Variants in EFCAB5 observed in about 807,000 individuals in gnomAD.
The protein encoded by EFCAB5 is EF-hand calcium-binding domain-containing protein 5.
A neutral mutation model predicts 167.9 loss-of-function variants in EFCAB5; 131 were observed. The ratio of observed to expected loss-of-function variants is 0.78; its 90% CI spans 0.68 to 0.90. The LOEUF (loss-of-function observed/expected upper bound fraction) is 0.90. Ranked by LOEUF, EFCAB5 falls within the 40% of genes least tolerant of loss-of-function variation. The pLI is 0.00. For synonymous variants in EFCAB5, 574 were observed against 602.8 expected, an observed-to-expected ratio of 0.95 and a Z score of 0.70; for missense variants, 1,663 against 1,745.2, an observed-to-expected ratio of 0.95 and a Z score of 0.84.
At chr17:30,073,306 C>T in intron 14 of EFCAB5, 2 of 554,576 alleles carry the variant, frequency 3.6e-6, no homozygotes, top group East Asian at 6.0e-5. Flanking sequence ...ATCCTCTCAC[C>T]TCAGTCTCCC....
At chr17:29,976,521 G>A (rs570632246) in intron 4 of EFCAB5, among the ~76,000 whole-genome samples, 7 of 152,148 alleles carry the variant, frequency 4.6e-5, no homozygotes, top group Non-Finnish European at 1.0e-4. Flanking sequence ...TTTTACAACA[G>A]TGTGTTCTGC....
chr17:30,061,909 T>G (rs1435501868), intron 14 of EFCAB5, among the ~76,000 whole-genome samples: 1 of 152,230 alleles, frequency 6.6e-6, no homozygotes, highest in Non-Finnish European at 1.5e-5. Context: ...CCTAATCTTT[T>G]GGGCAGAAAC....
intron 22 of EFCAB5, among the ~76,000 whole-genome samples, chr17:30,102,819 ACTTTT>A (rs1456445918): frequency 6.7e-6 from 1 of 149,452 alleles, no homozygotes; most frequent in Non-Finnish European, 1.5e-5. Context: ...AGGACTAAGG[ACTTTT>A]CTTTTTTTCT....
intron 14 of EFCAB5, among the ~76,000 whole-genome samples, chr17:30,064,516 C>A (rs2070509307): frequency 6.6e-6 from 1 of 152,078 alleles, no homozygotes; most frequent in South Asian, 2.1e-4. Flanking sequence ...AGAAAGCCTA[C>A]AATTATCACT....
intron 22 of EFCAB5, among the ~76,000 whole-genome samples, chr17:30,097,654 T>C (rs1263478125): frequency 6.6e-6 from 1 of 152,248 alleles, no homozygotes; most frequent in Non-Finnish European, 1.5e-5. Flanking sequence ...ATATTTATAA[T>C]TTGGGGTTAA....
chr17:29,988,291 C>G (rs185804536), intron 4 of EFCAB5, among the ~76,000 whole-genome samples: 56 of 152,264 alleles, frequency 3.7e-4, no homozygotes, highest in Middle Eastern at 3.4e-3. Context: ...ATAAAATCAT[C>G]AGTTGTTCAT....
rs147096463 is a variant in EFCAB5 at position 30,102,924 on chromosome 17, C to T, written c.4322-4910C>T. Reference sequence around the variant, plus strand: ...TTGGCTTACTGCAACCTCTCCCTCTCAGGCTCAGGTGATTCTCCCTCCTCC... The same window carrying T: ...TTGGCTTACTGCAACCTCTCCCTCTTAGGCTCAGGTGATTCTCCCTCCTCC... On this transcript the variant is annotated intron_variant, in intron 22 of 22. Transcript: ENST00000394835. 9.5e-3 allele frequency among the ~76,000 whole-genome samples: 1,448 copies of T among 152,170 alleles called. 16 individuals are homozygous for T. The highest frequency in any genetic ancestry group is 0.03 in the African/African-American group (1,235 of 41,532).
intron 14 of EFCAB5, chr17:30,074,334 C>G (rs1219337153): frequency 6.6e-6 from 1 of 152,288 alleles, no homozygotes; most frequent in South Asian, 2.1e-4. Flanking sequence ...AAGGTCTCAC[C>G]ATGTTGCCCA....
intron 20 of EFCAB5, among the ~76,000 whole-genome samples, chr17:30,091,127 C>T (rs2071187547): frequency 6.6e-6 from 1 of 152,156 alleles, no homozygotes; most frequent in African/African-American, 2.4e-5. Context: ...CTATGTTATA[C>T]AGCATTAAGT....
At chr17:29,954,733 T>TG (rs2067579452) in intron 3 of EFCAB5, among the ~76,000 whole-genome samples, 1 of 152,162 alleles carries the variant, frequency 6.6e-6, no homozygotes, top group African/African-American at 2.4e-5. Context: ...AACCCCAGAA[T>TG]GATAGATTCA....
chr17:29,964,605 T>C (rs1412379816), intron 3 of EFCAB5, among the ~76,000 whole-genome samples: 1 of 152,170 alleles, frequency 6.6e-6, no homozygotes, highest in African/African-American at 2.4e-5. Context: ...TAATTGTTTT[T>C]TGTTTTTGTT....
chr17:30,053,599 C>T lies in EFCAB5; in HGVS notation c.1645C>T (p.His549Tyr). 6.2e-7 allele frequency: 1 copy of T among 1,613,924 alleles called. No individual in the cohort carries two copies. The highest frequency in any genetic ancestry group is 8.5e-7 in the Non-Finnish European group (1 of 1,179,882). Reference protein sequence around the residue: ...YIESVIEPGTHTESTLEQGSS... With the variant: ...YIESVIEPGTYTESTLEQGSS... ...AGAATCAGTAATAGAACCAGGAACA[C>T]ACACAGAGTCAACTCTAGAACAAGG... The change falls in exon 10 of 23, where the codon CAC becomes TAC. Residue 549 changes from histidine (H) to tyrosine (Y), a missense_variant. Physicochemically the swap from His to Tyr is moderately conservative, Grantham distance 83. Coordinates refer to ENST00000394835, the MANE Select transcript of EFCAB5 (RefSeq NM_198529.4).
At chr17:30,079,929 C>A (rs1161299509) in intron 15 of EFCAB5, 143 bp from the exon 16 acceptor site, 10 of 950,402 alleles carry the variant, frequency 1.1e-5, no homozygotes, top group Middle Eastern at 3.0e-4. Context: ...TTCCCCACTG[C>A]CCATGAATAG....
chr17:30,080,023 G>T, intron 15 of EFCAB5, 49 bp from the exon 16 acceptor site: 1 of 1,561,576 alleles, frequency 6.4e-7, no homozygotes, highest in South Asian at 1.2e-5. Context: ...ATGATTAGGG[G>T]AGTTCTTTGG....
rs976873673 is a variant in EFCAB5, at chr17:29,970,892, T to C, written c.767+1525T>C. On this transcript the variant is annotated intron_variant, in intron 4 of 22. Coordinates refer to ENST00000394835, the MANE Select transcript of EFCAB5 (RefSeq NM_198529.4). ...GAGTTCAAGACCAGCCTGGCCAACA[T>C]GGCAAAACCCTGTCTCTACTAAAAA... 3.3e-5 allele frequency among the ~76,000 whole-genome samples: 5 copies of C among 152,024 alleles called. No individual in the cohort carries two copies. The South Asian group carries it at 8.3e-4, about 25-fold the overall frequency.
chr17:29,943,879 G>A (rs2067342960), intron 3 of EFCAB5, among the ~76,000 whole-genome samples: 1 of 152,066 alleles, frequency 6.6e-6, no homozygotes, highest in Non-Finnish European at 1.5e-5. Flanking sequence ...GGAGGCTGAG[G>A]CAGGAGAATT....
At chr17:30,008,615 T>A (rs9899542) in intron 7 of EFCAB5, among the ~76,000 whole-genome samples, 1 of 151,934 alleles carries the variant, frequency 6.6e-6, no homozygotes, top group Non-Finnish European at 1.5e-5. Context: ...TTTTATATTT[T>A]AAAATTTAAA....
chr17:29,973,331 G>A (rs1567688276), intron 4 of EFCAB5, among the ~76,000 whole-genome samples: 1 of 152,134 alleles, frequency 6.6e-6, no homozygotes, highest in Non-Finnish European at 1.5e-5. Context: ...AGTGGGTAAG[G>A]CAACCTCTCC....
chr17:30,072,982 T>G (rs2070778523), intron 14 of EFCAB5: 1 of 497,346 alleles, frequency 2.0e-6, no homozygotes, highest in South Asian at 3.2e-5. Flanking sequence ...ATACTCATAT[T>G]GTCCCAGTTT....
Sources: allele counts gnomAD v4.1 joint callset (sites outside exome capture counted in the v4.1 genomes callset), GRCh38; gene constraint gnomAD v4.1.1; transcripts MANE v1.5; gene names NCBI Gene and HGNC (gene_info 2026-07-23, HGNC 2026-07-21).